LCLAT1: variants seen among roughly 807,000 people sequenced by gnomAD.
The protein encoded by LCLAT1 is 1-AGP acyltransferase 8.
In LCLAT1, 11 loss-of-function variants were observed where a neutral mutation model predicts 30.7. The ratio of observed to expected loss-of-function variants is 0.36; its 90% CI spans 0.23 to 0.59. The LOEUF (loss-of-function observed/expected upper bound fraction) is 0.59, where lower values mean the gene tolerates loss of function less well. Ranked by LOEUF, LCLAT1 falls within the 20% of genes least tolerant of loss-of-function variation. LCLAT1 has a pLI of 0.77. For missense variants in LCLAT1, 402 were observed against 458.6 expected (o/e 0.88, Z 1.13); for synonymous variants, 155 against 151.3 (o/e 1.02, Z -0.18).
In LCLAT1 at chr2:30,527,356, AAC is replaced by A. The variant is rs1273336224; in HGVS notation, c.165+1603_165+1604del. Among the ~76,000 whole-genome samples the A allele has an allele frequency of 5.9e-5, 9 of 152,324 alleles. No homozygotes were observed. The East Asian group carries it at 1.7e-3, about 29-fold the overall frequency. On this transcript the variant is annotated intron_variant, in intron 2 of 5. Coordinates refer to ENST00000379509, the MANE Select transcript of LCLAT1 (RefSeq NM_001002257.3). ...CATTCAGAGGTAAAAGATTTTTTGT[AAC>A]AGTCATGTATTGTTACTGTACTCCA...
chr2:30,497,091 G>A (rs1684155684), intron 1 of LCLAT1, among the ~76,000 whole-genome samples: 1 of 152,118 alleles, frequency 6.6e-6, no homozygotes, highest in Admixed American at 6.5e-5. Flanking sequence ...AGTATTCTTT[G>A]CAAAATATAG....
chr2:30,490,293 C>T (rs1683778851), intron 1 of LCLAT1, among the ~76,000 whole-genome samples: 1 of 151,308 alleles, frequency 6.6e-6, no homozygotes, highest in South Asian at 2.1e-4. Flanking sequence ...AGCTCCGCCT[C>T]CCAGGTTCAA....
chr2:30,453,115 A>G (rs1438466195), intron 1 of LCLAT1, among the ~76,000 whole-genome samples: 3 of 152,212 alleles, frequency 2.0e-5, no homozygotes, highest in Non-Finnish European at 2.9e-5. Flanking sequence ...CTCTCAAATA[A>G]GAGACCACAT....
rs544960004 is a variant in LCLAT1, at chr2:30,540,118, G to A, written c.364+6804G>A. ...TCTCATCCTGGCTCTGTTGTCACTC[G>A]GTTTCCCCAAAACAGTCGTTAACAG... On this transcript the variant is annotated intron_variant, in intron 3 of 5. Coordinates refer to ENST00000379509, the MANE Select transcript of LCLAT1 (RefSeq NM_001002257.3). Among the ~76,000 whole-genome samples the A allele has an allele frequency of 5.9e-5, 9 of 152,218 alleles. No homozygotes were observed. The South Asian group carries it at 8.3e-4, about 14-fold the overall frequency.
chr2:30,486,138 A>C (rs1308532202), intron 1 of LCLAT1, among the ~76,000 whole-genome samples: 2 of 152,182 alleles, frequency 1.3e-5, no homozygotes, highest in Non-Finnish European at 2.9e-5. Flanking sequence ...ATAAACTGGA[A>C]AGTGACAGTA....
intron 5 of LCLAT1, among the ~76,000 whole-genome samples, chr2:30,633,034 A>G (rs1020659318): frequency 1.3e-5 from 2 of 152,208 alleles, no homozygotes; most frequent in Admixed American, 6.5e-5. Context: ...TAGTCTAAAT[A>G]TATCTGAATC....
chr2:30,637,159 G>C (rs1231365940), intron 5 of LCLAT1, among the ~76,000 whole-genome samples: 2 of 152,200 alleles, frequency 1.3e-5, no homozygotes, highest in African/African-American at 2.4e-5. Context: ...GAGTGGCACT[G>C]AGGAAAGGCA....
chr2:30,578,978 A>G (rs1666105887), intron 5 of LCLAT1, among the ~76,000 whole-genome samples: 2 of 152,186 alleles, frequency 1.3e-5, no homozygotes, highest in Admixed American at 6.5e-5. Context: ...AGTAAAAAGC[A>G]TCTTTACCAT....
intron 1 of LCLAT1, among the ~76,000 whole-genome samples, chr2:30,469,394 G>T (rs1434903698): frequency 6.6e-6 from 1 of 151,988 alleles, no homozygotes; most frequent in African/African-American, 2.4e-5. Flanking sequence ...GTTTTTGATA[G>T]ATTTTGAATG....
chr2:30,530,737 T>G (rs1378948783), intron 2 of LCLAT1, among the ~76,000 whole-genome samples: 1 of 151,962 alleles, frequency 6.6e-6, no homozygotes, highest in African/African-American at 2.4e-5. Context: ...AGAGCTGGAG[T>G]CTTGCTATGT....
intron 1 of LCLAT1, among the ~76,000 whole-genome samples, chr2:30,462,722 G>A (rs923198802): frequency 3.3e-5 from 5 of 152,194 alleles, no homozygotes; most frequent in Admixed American, 6.5e-5. Context: ...GCTAGCCTGC[G>A]TGATAAGGTT....
chr2:30,635,070 G>A (rs369772012), intron 5 of LCLAT1, among the ~76,000 whole-genome samples: 1 of 152,114 alleles, frequency 6.6e-6, no homozygotes, highest in African/African-American at 2.4e-5. Context: ...TGTGGCTTTT[G>A]TGTTTGGAGA....
chr2:30,629,381 G>A (rs900988617), intron 5 of LCLAT1, among the ~76,000 whole-genome samples: 41 of 152,030 alleles, frequency 2.7e-4, no homozygotes, highest in Admixed American at 8.5e-4. Context: ...CCAACGTGGC[G>A]AAACCCTGTC....
At chr2:30,454,072 C>T (rs1016651129) in intron 1 of LCLAT1, among the ~76,000 whole-genome samples, 6 of 152,250 alleles carry the variant, frequency 3.9e-5, no homozygotes, top group East Asian at 1.9e-4. Context: ...ACTTGTGTGG[C>T]ATTAAGTGTA....
chr2:30,484,926 A>G (rs974275404), intron 1 of LCLAT1, among the ~76,000 whole-genome samples: 3 of 151,310 alleles, frequency 2.0e-5, no homozygotes, highest in African/African-American at 7.3e-5. Context: ...ATGGTATGCT[A>G]TGGTATGGTA....
chr2:30,600,531 GAC>G (rs1667133703), intron 5 of LCLAT1, among the ~76,000 whole-genome samples: 1 of 152,140 alleles, frequency 6.6e-6, no homozygotes, highest in African/African-American at 2.4e-5. Flanking sequence ...TGAAGTGAAA[GAC>G]ACAGAGATAT....
intron 5 of LCLAT1, among the ~76,000 whole-genome samples, chr2:30,597,814 A>G (rs1250714684): frequency 5.9e-5 from 9 of 152,194 alleles, no homozygotes; most frequent in African/African-American, 2.2e-4. Context: ...ATTTTGAGGT[A>G]CGTTCCTTCA....
At chr2:30,629,440 A>T (rs943423270) in intron 5 of LCLAT1, among the ~76,000 whole-genome samples, 1 of 152,098 alleles carries the variant, frequency 6.6e-6, no homozygotes, top group African/African-American at 2.4e-5. Flanking sequence ...GGCACCTGTA[A>T]TCCCAGCCAC....
intron 3 of LCLAT1, among the ~76,000 whole-genome samples, chr2:30,548,231 A>T (rs542996219): frequency 6.6e-6 from 1 of 152,226 alleles, no homozygotes; most frequent in East Asian, 1.9e-4. Context: ...AACTCTGTAA[A>T]ATATTTGAAG....
Sources: gnomAD v4.1 joint callset for allele counts (sites outside exome capture counted in the v4.1 genomes callset) on GRCh38, gnomAD v4.1.1 for gene constraint, MANE v1.5 for transcripts, NCBI Gene and HGNC (gene_info 2026-07-23, HGNC 2026-07-21) for gene names.